The following EPHB2 variants were observed in gnomAD, a reference collection of about 807,000 sequenced individuals.
EPHB2 encodes ephrin type-B receptor 2.
In EPHB2, 18 loss-of-function variants were observed where a neutral mutation model predicts 96.4. The observed-to-expected ratio is 0.19, with a 90% CI of 0.13 to 0.28. EPHB2 has a LOEUF of 0.28. EPHB2 is among the 10% of genes least tolerant of loss of function. The pLI is 1.00. For synonymous variants in EPHB2, 506 were observed against 534.1 expected, an observed-to-expected ratio of 0.95 and a Z score of 0.72; for missense variants, 989 against 1,355.4, an observed-to-expected ratio of 0.73 and a Z score of 4.25.
At chr1:22,882,589 G>A (rs1639086221) in intron 6 of EPHB2, 106 bp downstream of exon 6, 4 of 1,557,650 alleles carry the variant, frequency 2.6e-6, no homozygotes, top group East Asian at 2.3e-5. Flanking sequence ...ACGCACTGGT[G>A]CAGCAGAAAG....
intron 1 of EPHB2, among the ~76,000 whole-genome samples, chr1:22,766,820 G>A (rs1030739590): frequency 6.6e-6 from 1 of 152,226 alleles, no homozygotes; most frequent in African/African-American, 2.4e-5. Flanking sequence ...GTCTGACTGG[G>A]CTGCCCCAGG....
At chr1:22,778,667 G>A (rs1644486781) in intron 1 of EPHB2, among the ~76,000 whole-genome samples, 1 of 152,172 alleles carries the variant, frequency 6.6e-6, no homozygotes, top group Non-Finnish European at 1.5e-5. Flanking sequence ...TTCCCTTTGT[G>A]TCTGCAAACC....
At chr1:22,897,970 A>G (rs147366370) in intron 9 of EPHB2, among the ~76,000 whole-genome samples, 2,842 of 151,832 alleles carry the variant, frequency 0.019, 140 homozygotes, top group Admixed American at 0.11. Context: ...GGGTGTGGTC[A>G]TGTACGTCTG....
chr1:22,762,540 TGTGTGA>T (rs761018832), intron 1 of EPHB2, among the ~76,000 whole-genome samples: 25 of 152,024 alleles, frequency 1.6e-4, no homozygotes, highest in Non-Finnish European at 3.5e-4. Flanking sequence ...CAAGGGGTGG[TGTGTGA>T]GTGGGCTTCT....
intron 1 of EPHB2, chr1:22,775,213 AG>A (rs749861972): frequency 1.3e-6 from 1 of 779,834 alleles, no homozygotes; most frequent in Non-Finnish European, 2.4e-6. Flanking sequence ...TGTGGGTTCC[AG>A]TCCTAGCCCT....
intron 1 of EPHB2, among the ~76,000 whole-genome samples, chr1:22,742,356 A>G (rs1346609348): frequency 6.6e-6 from 1 of 152,054 alleles, no homozygotes; most frequent in African/African-American, 2.4e-5. Context: ...GTTGGTAGAA[A>G]GGGTGGGGGC....
intron 6 of EPHB2, among the ~76,000 whole-genome samples, chr1:22,888,366 T>C (rs1639292639): frequency 6.6e-6 from 1 of 152,198 alleles, no homozygotes; most frequent in East Asian, 1.9e-4. Context: ...ATGATAACAG[T>C]GATGGTGGGA....
In EPHB2 at chr1:22,784,577, T is replaced by G; in HGVS notation, c.312T>G (p.Pro104=). 14 of 1,614,192 alleles carry G rather than the reference T, an allele frequency of 8.7e-6. No homozygotes were observed. Among genetic ancestry groups the G allele is most frequent in the Non-Finnish European group, 1.2e-5 (14 of 1,180,038 alleles). ...ACTGCAGCAGCATCCCCAGCGTGCC[T>G]GGCTCCTGCAAGGAGACCTTCAACC... is the stretch of plus-strand genomic sequence containing the variant. ...VRDCSSIPSV[P]GSCKETFNLY... The change falls in exon 3 of 16, where the codon CCT becomes CCG. Residue 104 remains proline, a synonymous_variant. Coordinates refer to ENST00000374630, the MANE Select transcript of EPHB2 (RefSeq NM_017449.5). The surrounding 1 kb of genome is among the most constrained non-coding windows in gnomAD (Gnocchi z 5.1).
intron 5 of EPHB2, among the ~76,000 whole-genome samples, chr1:22,879,649 G>A (rs1426955473): frequency 1.3e-5 from 2 of 152,206 alleles, no homozygotes; most frequent in African/African-American, 4.8e-5. Flanking sequence ...GCCTCTCTGA[G>A]CCTCTTCTGC....
At chr1:22,854,302 A>G (rs1432228933) in intron 3 of EPHB2, among the ~76,000 whole-genome samples, 1 of 152,108 alleles carries the variant, frequency 6.6e-6, no homozygotes, top group Non-Finnish European at 1.5e-5. Flanking sequence ...CTTGAGCCCA[A>G]GAGTTCAAGA....
intron 3 of EPHB2, among the ~76,000 whole-genome samples, chr1:22,824,276 G>A (rs897077568): frequency 2.0e-5 from 3 of 151,544 alleles, no homozygotes; most frequent in African/African-American, 7.3e-5. Context: ...AGGAAGGGAG[G>A]GAGGGAAGAA....
intron 3 of EPHB2, among the ~76,000 whole-genome samples, chr1:22,805,645 G>A (rs908807269): frequency 2.0e-5 from 3 of 152,224 alleles, no homozygotes; most frequent in African/African-American, 7.2e-5. Context: ...TCAGCAAGGA[G>A]CGGGTGGGGG....
intron 6 of EPHB2, among the ~76,000 whole-genome samples, chr1:22,888,042 G>A (rs768395843): frequency 4.6e-5 from 7 of 152,098 alleles, no homozygotes; most frequent in Non-Finnish European, 1.0e-4. Flanking sequence ...TTTGTTTTTT[G>A]GGGGTTTTTT....
chr1:22,790,761 T>C lies in EPHB2; in HGVS notation c.811+5685T>C, dbSNP rs1644679225. On this transcript the variant is annotated intron_variant, in intron 3 of 15. Coordinates refer to ENST00000374630, the MANE Select transcript of EPHB2 (RefSeq NM_017449.5). This position sits in a 1 kb window ranked among gnomAD's most constrained non-coding sequence, Gnocchi z 4.0. ...ATGATTGCTGCGATGCTATCGGACG[T>C]AATGGGATTTTTAATATTTAGCTTG... 6.6e-6 allele frequency among the ~76,000 whole-genome samples: 1 copy of C among 152,214 alleles called. No individual in the cohort carries two copies. Among genetic ancestry groups the C allele is most frequent in the Non-Finnish European group, 1.5e-5 (1 of 68,042 alleles).
chr1:22,882,431 C>T lies in EPHB2; in HGVS notation c.1376C>T (p.Pro459Leu), dbSNP rs773604400. The T allele has an allele frequency of 3.3e-5, 53 of 1,614,078 alleles. No homozygotes were observed. The highest frequency in any genetic ancestry group is 1.1e-5 in the Non-Finnish European group (13 of 1,180,030). Residue 459 changes from proline (P) to leucine (L), a missense_variant, in exon 6 of 16, where the codon CCG (proline) becomes CTG (leucine). Physicochemically the swap from Pro to Leu is moderately conservative, Grantham distance 98 (BLOSUM62 -3). Transcript: ENST00000374630. ...AGCATTACCCTGTCGTGGTCCCAGC[C>T]GGACCAGCCCAATGGCGTGATCCTG... ...VDSITLSWSQ[P>L]DQPNGVILDY... is the part of the protein sequence containing the mutation.
intron 3 of EPHB2, among the ~76,000 whole-genome samples, chr1:22,791,399 T>A (rs1311097901): frequency 6.6e-6 from 1 of 151,750 alleles, no homozygotes; most frequent in Non-Finnish European, 1.5e-5. Context: ...ACATACTGAT[T>A]TTTTGTTTTA....
chr1:22,764,967 C>T (rs562879564), intron 1 of EPHB2, among the ~76,000 whole-genome samples: 3 of 152,250 alleles, frequency 2.0e-5, no homozygotes, highest in South Asian at 2.1e-4. Context: ...GGCAGATGCA[C>T]GGGAGGCGCT....
intron 3 of EPHB2, among the ~76,000 whole-genome samples, chr1:22,808,722 A>G (rs943159258): frequency 6.6e-6 from 1 of 152,232 alleles, no homozygotes; most frequent in Admixed American, 6.5e-5. Flanking sequence ...TAACACCCTT[A>G]TGACACGGGT....
Position 22,858,072 on chromosome 1 carries a change from C to T in EPHB2, c.812-4965C>T, listed in dbSNP as rs866149420. 2.0e-5 allele frequency among the ~76,000 whole-genome samples: 3 copies of T among 152,002 alleles called. No homozygotes were observed. The highest frequency in any genetic ancestry group is 6.6e-5 in the Admixed American group (1 of 15,248). On this transcript the variant is annotated intron_variant, in intron 3 of 15. Coordinates refer to ENST00000374630, the MANE Select transcript of EPHB2 (RefSeq NM_017449.5). The surrounding 1 kb of genome is among the most constrained non-coding windows in gnomAD (Gnocchi z 7.7). The stretch of plus-strand genomic sequence containing the variant: ...GCCAGGGTGGTCAGGGTGGGCCTCT[C>T]GGAGGAGGTGGCATTTAAGCTGGGG...
Sources: gnomAD v4.1 joint callset for allele counts (sites outside exome capture counted in the v4.1 genomes callset) on GRCh38, gnomAD v4.1.1 for gene constraint, Gnocchi (gnomAD v3.1) non-coding constraint, MANE v1.5 for transcripts, NCBI Gene and HGNC (gene_info 2026-07-23, HGNC 2026-07-21) for gene names.